NEK10: variants seen among roughly 807,000 people sequenced by gnomAD.
NEK10 encodes the protein serine/threonine-protein kinase Nek10.
Under a neutral mutation model 159.8 loss-of-function variants are expected in NEK10, and 122 were observed. The observed-to-expected ratio is 0.76, with a 90% confidence interval of 0.66 to 0.89. The LOEUF (loss-of-function observed/expected upper bound fraction) is 0.89. Among genes scored for constraint, NEK10 ranks in the 40% least tolerant of loss-of-function variants. The pLI is 0.00. For synonymous variants in NEK10, 466 were observed against 457.1 expected (o/e 1.02, Z -0.25); for missense variants, 1,342 against 1,323.1 (o/e 1.01, Z -0.22).
At chr3:27,287,882 A>C in intron 19 of NEK10, 139 bp from the exon 20 acceptor site, 1 of 970,542 alleles carries the variant, frequency 1.0e-6, no homozygotes, top group Non-Finnish European at 1.4e-6. Context: ...TCAAGATATC[A>C]TCGAACTGAG....
In NEK10 at chr3:27,320,179, T is replaced by C. The variant is rs563910152; in HGVS notation, c.447+1998A>G. Among the ~76,000 whole-genome samples, 5 of 152,316 alleles carry C rather than the reference T, an allele frequency of 3.3e-5. No homozygotes were observed. In the South Asian group the frequency reaches 1.0e-3, roughly 32 times the overall value. On this transcript the variant is annotated intron_variant, in intron 6 of 35. Transcript: ENST00000691995. The stretch of plus-strand genomic sequence containing the variant: ...AGCAGGACAATATTCGTTTAATATG[T>C]GTCTTGGTCACAAAATCTCATAAAG...
chr3:27,215,144 C>T (rs1221646986), intron 23 of NEK10: 5 of 352,010 alleles, frequency 1.4e-5, no homozygotes, highest in African/African-American at 1.0e-4. Context: ...CGGCTCTTAA[C>T]ACCATCAAAA....
Position 27,261,140 on chromosome 3 carries a change from C to A in NEK10, c.2015-4769G>T, listed in dbSNP as rs148011762. 5.7e-3 allele frequency among the ~76,000 whole-genome samples: 865 copies of A among 152,202 alleles called. 8 individuals are homozygous for A. The highest frequency in any genetic ancestry group is 0.02 in the African/African-American group (826 of 41,528). ...CTTCTTTATTAGTCTTGCTAGCAGT[C>A]CATCAATTTTGTTGATGTTTTCAAA... On this transcript the variant is annotated intron_variant, in intron 22 of 35. Coordinates refer to ENST00000691995, the MANE Select transcript of NEK10 (RefSeq NM_001394966.1).
At chr3:27,254,269 A>G (rs527502259) in intron 23 of NEK10, among the ~76,000 whole-genome samples, 7 of 152,210 alleles carry the variant, frequency 4.6e-5, no homozygotes, top group African/African-American at 1.7e-4. Context: ...TCCTCTTCCA[A>G]TGTAGCCCAG....
intron 26 of NEK10, among the ~76,000 whole-genome samples, chr3:27,189,802 T>C (rs960056258): frequency 1.3e-5 from 2 of 152,144 alleles, no homozygotes; most frequent in Admixed American, 6.5e-5. Flanking sequence ...AGACTTAAAA[T>C]AGTGCGAAAG....
At position 27,301,840 on chromosome 3, in the gene NEK10, A is replaced by G. The variant is rs1250810290; in HGVS notation, c.1029-5T>C. ...TCAGAAACAAAATTTCTGTCTCTGA[A>G]AAAGAAAAGTTAATGCATAGACCAT... On this transcript the variant is annotated splice_region_variant and splice_polypyrimidine_tract_variant and intron_variant, in intron 12 of 35. Coordinates refer to ENST00000691995, the MANE Select transcript of NEK10 (RefSeq NM_001394966.1). The G allele has an allele frequency of 6.5e-7, 1 of 1,549,970 alleles. No homozygotes were observed. The highest frequency in any genetic ancestry group is 2.4e-5 in the East Asian group (1 of 40,906).
At chr3:27,189,821 A>T (rs2148965682) in intron 26 of NEK10, among the ~76,000 whole-genome samples, 1 of 152,260 alleles carries the variant, frequency 6.6e-6, no homozygotes, top group South Asian at 2.1e-4. Context: ...AGGAGAAAGT[A>T]CTGTATGACT....
At chr3:27,263,210 G>A (rs2040569953) in intron 22 of NEK10, among the ~76,000 whole-genome samples, 1 of 152,180 alleles carries the variant, frequency 6.6e-6, no homozygotes, top group Admixed American at 6.5e-5. Context: ...GGCCATGTGA[G>A]GTGTCAGTCT....
chr3:27,285,610 T>C (rs182240907), intron 20 of NEK10, among the ~76,000 whole-genome samples: 2 of 152,142 alleles, frequency 1.3e-5, no homozygotes, highest in Non-Finnish European at 2.9e-5. Flanking sequence ...TCATGACTGA[T>C]TGTGTTTGTC....
chr3:27,259,200 TG>T (rs1339758924), intron 22 of NEK10, among the ~76,000 whole-genome samples: 1 of 152,236 alleles, frequency 6.6e-6, no homozygotes, highest in Non-Finnish European at 1.5e-5. Context: ...TTTCTTTTGC[TG>T]TGCAGAAGCT....
chr3:27,351,875 A>G (rs903168224), intron 3 of NEK10, among the ~76,000 whole-genome samples: 3 of 152,042 alleles, frequency 2.0e-5, no homozygotes, highest in Non-Finnish European at 4.4e-5. Flanking sequence ...CTCTAATGTC[A>G]TCACTTTCCA....
chr3:27,117,475 C>G (rs2125426970), intron 33 of NEK10, among the ~76,000 whole-genome samples: 1 of 152,306 alleles, frequency 6.6e-6, no homozygotes, highest in Non-Finnish European at 1.5e-5. Flanking sequence ...TTCTCCACAG[C>G]CTTGCCAACA....
chr3:27,112,229 G>A (rs1484193828), intron 35 of NEK10, among the ~76,000 whole-genome samples: 1 of 152,092 alleles, frequency 6.6e-6, no homozygotes. Context: ...ATAGATAATG[G>A]CTTTATCCTG....
At chr3:27,331,315 T>G (rs1285319741) in intron 5 of NEK10, among the ~76,000 whole-genome samples, 1 of 149,948 alleles carries the variant, frequency 6.7e-6, no homozygotes, top group Non-Finnish European at 1.5e-5. Flanking sequence ...CTGTGCCCAG[T>G]CTATGGTGCT....
intron 5 of NEK10, among the ~76,000 whole-genome samples, chr3:27,329,404 G>A (rs2046239482): frequency 6.6e-6 from 1 of 152,222 alleles, no homozygotes; most frequent in Admixed American, 6.5e-5. Flanking sequence ...GAAAGGCCAG[G>A]TTTCACAAGG....
In NEK10 at chr3:27,339,728, G is replaced by A. The variant is rs971249162; in HGVS notation, c.362+4544C>T. ...CGGGAGGTAGAAGTTGCAGTGAGCC[G>A]AGATCGGGCCACTGCACTCCAGCCT... On this transcript the variant is annotated intron_variant, in intron 5 of 35. Coordinates refer to ENST00000691995, the MANE Select transcript of NEK10 (RefSeq NM_001394966.1). 9.4e-5 allele frequency among the ~76,000 whole-genome samples: 14 copies of A among 148,882 alleles called. No homozygotes were observed. In the South Asian group the frequency reaches 1.3e-3, roughly 14 times the overall value.
intron 23 of NEK10, among the ~76,000 whole-genome samples, chr3:27,254,681 TAAG>T (rs1311570615): frequency 6.6e-6 from 1 of 152,074 alleles, no homozygotes; most frequent in East Asian, 1.9e-4. Flanking sequence ...TTTAAAAGAA[TAAG>T]AAGTTGACAG....
chr3:27,183,091 CACAA>C (rs1444130218), intron 26 of NEK10, among the ~76,000 whole-genome samples: 1 of 151,858 alleles, frequency 6.6e-6, no homozygotes, highest in African/African-American at 2.4e-5. Flanking sequence ...ATGTTTCTAA[CACAA>C]ACAAATGATA....
intron 22 of NEK10, among the ~76,000 whole-genome samples, chr3:27,263,118 G>A (rs1051190959): frequency 1.3e-5 from 2 of 152,232 alleles, no homozygotes; most frequent in African/African-American, 4.8e-5. Context: ...AGCAGCGGAG[G>A]CTGCAGAACA....
Sources: allele counts gnomAD v4.1 joint callset (sites outside exome capture counted in the v4.1 genomes callset), GRCh38; gene constraint gnomAD v4.1.1; transcripts MANE v1.5; gene names NCBI Gene and HGNC (gene_info 2026-07-23, HGNC 2026-07-21).